Variants in LIN7C observed in about 807,000 individuals in gnomAD.
LIN7C encodes protein lin-7 homolog C.
LIN7C carries 17 observed loss-of-function variants against 24.7 expected under a neutral mutation model. That is an observed-to-expected ratio of 0.69 (90% confidence interval 0.47 to 1.03). The LOEUF is 1.03. Ranked by LOEUF, LIN7C falls within the 50% of genes least tolerant of loss-of-function variation. The pLI is 0.00. For missense variants in LIN7C, 204 were observed against 239.0 expected (o/e 0.85, Z 0.97); for synonymous variants, 90 against 83.4 (o/e 1.08, Z -0.43).
intron 1 of LIN7C, among the ~76,000 whole-genome samples, chr11:27,505,061 A>G (rs1226539563): frequency 6.6e-6 from 1 of 152,256 alleles, no homozygotes; most frequent in Non-Finnish European, 1.5e-5. Context: ...GGCCGGGTGC[A>G]GTGGCTCACG....
At position 27,497,625 on chromosome 11, in the gene LIN7C, CCT is replaced by C. The variant is rs1348365429; in HGVS notation, c.*1022_*1023del. The C allele has an allele frequency of 2.6e-5, 4 of 152,226 alleles. No homozygotes were observed. Among genetic ancestry groups the C allele is most frequent in the Admixed American group, 2.6e-4 (4 of 15,258 alleles). The allele number at this position is 152,226 out of a possible 1,614,324, so 9.4% of individuals were successfully genotyped here. ...TAATTTCTATGTATCTTAAATATATCCTCTTTTCTTCCTATTTAAAATCAATT... is the reference window on the plus strand; with the variant it reads ...TAATTTCTATGTATCTTAAATATATCCTTTTCTTCCTATTTAAAATCAATT... On this transcript the variant is annotated 3_prime_UTR_variant, in exon 5 of 5. Coordinates refer to ENST00000278193, the MANE Select transcript of LIN7C (RefSeq NM_018362.4).
chr11:27,499,215 A>G, intron 4 of LIN7C, 144 bp downstream of exon 4: 2 of 642,132 alleles, frequency 3.1e-6, no homozygotes, highest in Non-Finnish European at 2.7e-6. Context: ...GCTTAAAAAA[A>G]AGGATCACTG....
In LIN7C at chr11:27,506,725, G is replaced by A. The variant is rs773362404; in HGVS notation, c.28C>T (p.Leu10=). The A allele has an allele frequency of 1.2e-6, 2 of 1,614,026 alleles. No individual in the cohort carries two copies. Among genetic ancestry groups the A allele is most frequent in the Middle Eastern group, 1.6e-4 (1 of 6,062 alleles). The change falls in exon 1 of 5, where the codon CTG becomes TTG. Residue 10 remains leucine (L), a synonymous_variant. Coordinates refer to ENST00000278193, the MANE Select transcript of LIN7C (RefSeq NM_018362.4). ...CCTCGGCTGCACTCACCTCTCTCCAGCCGCACGGGTTCCCCTAGCGCCGCC... is the reference window on the plus strand; with the variant it reads ...CCTCGGCTGCACTCACCTCTCTCCAACCGCACGGGTTCCCCTAGCGCCGCC... MAALGEPVR[L]ERDICRAIEL...
chr11:27,499,040 T>C (rs116874284), intron 4 of LIN7C, among the ~76,000 whole-genome samples: 2,455 of 152,298 alleles, frequency 0.016, 29 homozygotes, highest in Non-Finnish European at 0.025. Context: ...ATAATTAGCA[T>C]ATTAATCTAT....
rs747517484 is a variant in LIN7C at position 27,506,705 on chromosome 11, G to C, written c.37+11C>G. The C allele has an allele frequency of 1.4e-5, 23 of 1,613,770 alleles. No homozygotes were observed. The highest frequency in any genetic ancestry group is 1.2e-4 in the Admixed American group (7 of 59,998). On this transcript the variant is annotated intron_variant, in intron 1 of 4. Transcript: ENST00000278193. ...TTCCGCCCACCTCCGCCGAGCCTCG[G>C]CTGCACTCACCTCTCTCCAGCCGCA... is the stretch of plus-strand genomic sequence containing the variant.
chr11:27,499,699 T>G (rs569829470), intron 3 of LIN7C, 131 bp from the exon 4 acceptor site: 3 of 748,396 alleles, frequency 4.0e-6, no homozygotes, highest in East Asian at 2.7e-5. Flanking sequence ...CTTGGCTCAC[T>G]GCAAGCTCCA....
At chr11:27,506,565 G>C in intron 1 of LIN7C, 151 bp downstream of exon 1, 1 of 805,174 alleles carries the variant, frequency 1.2e-6, no homozygotes, top group Non-Finnish European at 2.1e-6. Context: ...CCTTCCTAGA[G>C]CCAGGCACAG....
intron 1 of LIN7C, among the ~76,000 whole-genome samples, chr11:27,503,029 C>T (rs1175874213): frequency 2.0e-5 from 3 of 152,102 alleles, no homozygotes; most frequent in Admixed American, 6.5e-5. Flanking sequence ...GCAGGAGAAG[C>T]GCTTGATCCC....
In LIN7C at chr11:27,504,450, T is replaced by C. The variant is rs1865254161; in HGVS notation, c.37+2266A>G. Among the ~76,000 whole-genome samples, 3 of 152,330 alleles carry C rather than the reference T, an allele frequency of 2.0e-5. 1 individual carries two copies. Among genetic ancestry groups the C allele is most frequent in the South Asian group, 4.1e-4 (2 of 4,830 alleles). Reference sequence around the variant, plus strand: ...TCATCATATGTGATCAGGCACTGTATTGTAATTGTACTGTAGGATTTTCTA... The same window carrying C: ...TCATCATATGTGATCAGGCACTGTACTGTAATTGTACTGTAGGATTTTCTA... On this transcript the variant is annotated intron_variant, in intron 1 of 4. Transcript: ENST00000278193.
chr11:27,502,669 G>C (rs890350021), intron 1 of LIN7C, among the ~76,000 whole-genome samples: 4 of 152,098 alleles, frequency 2.6e-5, no homozygotes, highest in African/African-American at 9.7e-5. Context: ...TTATGTCTCA[G>C]TTTCTTTCAC....
At chr11:27,501,311 T>C (rs1865223651) in intron 3 of LIN7C, among the ~76,000 whole-genome samples, 184 bp downstream of exon 3, 1 of 152,162 alleles carries the variant, frequency 6.6e-6, no homozygotes, top group Admixed American at 6.5e-5. Context: ...AAGCTATTTA[T>C]CATGCAGCAT....
Position 27,494,871 on chromosome 11 carries a change from G to C in LIN7C, c.*3778C>G, listed in dbSNP as rs1312329901. On this transcript the variant is annotated 3_prime_UTR_variant, in exon 5 of 5. Coordinates refer to ENST00000278193, the MANE Select transcript of LIN7C (RefSeq NM_018362.4). ...ATTATAAAACCAGATTGTTGGCAGA[G>C]GACACAACAAAATGTAAGTTAGAAA... is the stretch of plus-strand genomic sequence containing the variant. The C allele has an allele frequency of 6.6e-6, 1 of 152,072 alleles. No individual in the cohort carries two copies. Among genetic ancestry groups the C allele is most frequent in the African/African-American group, 2.4e-5 (1 of 41,396 alleles). The allele number at this position is 152,072 out of a possible 1,614,324, so 9.4% of individuals were successfully genotyped here. A position where few individuals can be genotyped will look rare whatever the true frequency, so the allele number is the denominator to read the frequency against.
rs1486891183 is a variant in LIN7C, at chr11:27,506,704, G to C, written c.37+12C>G. On this transcript the variant is annotated intron_variant, in intron 1 of 4. Transcript: ENST00000278193. ...CTTCCGCCCACCTCCGCCGAGCCTC[G>C]GCTGCACTCACCTCTCTCCAGCCGC... The C allele has an allele frequency of 6.2e-7, 1 of 1,613,716 alleles. No individual in the cohort carries two copies. The highest frequency in any genetic ancestry group is 1.3e-5 in the African/African-American group (1 of 74,878).
intron 3 of LIN7C, 66 bp downstream of exon 3, chr11:27,501,429 A>G (rs1865224788): frequency 5.1e-6 from 5 of 974,030 alleles, no homozygotes; most frequent in African/African-American, 1.7e-5. Flanking sequence ...TATGAATTTA[A>G]TAACTCCATA....
chr11:27,502,214 A>T (rs1041919085), intron 1 of LIN7C, among the ~76,000 whole-genome samples: 1 of 152,240 alleles, frequency 6.6e-6, no homozygotes, highest in Non-Finnish European at 1.5e-5. Context: ...TGAACACAAA[A>T]TACCAAATGT....
In LIN7C at chr11:27,499,404, A is replaced by G. The variant is rs1865200091; in HGVS notation, c.393T>C (p.His131=). Residue 131 remains histidine (H), a synonymous_variant, in exon 4 of 5, where the codon CAT becomes CAC. Coordinates refer to ENST00000278193, the MANE Select transcript of LIN7C (RefSeq NM_018362.4). ...GTTGATCTCCACGTTTGAGGCCCCC[A>G]TGTCTATCAGCAATTCCACCTGGAA... is the stretch of plus-strand genomic sequence containing the variant. The part of the protein sequence containing the change: ...RIIPGGIADR[H]GGLKRGDQLL... 1.9e-6 allele frequency: 3 copies of G among 1,613,864 alleles called. No homozygotes were observed. Among genetic ancestry groups the G allele is most frequent in the African/African-American group, 2.7e-5 (2 of 74,880 alleles).
chr11:27,499,635 C>T, intron 3 of LIN7C, 67 bp from the exon 4 acceptor site: 2 of 1,411,526 alleles, frequency 1.4e-6, no homozygotes, highest in Admixed American at 1.8e-5. Flanking sequence ...TCTTTTGTTT[C>T]CCCCCGAGAT....
intron 3 of LIN7C, among the ~76,000 whole-genome samples, chr11:27,501,150 AT>A (rs1865221622): frequency 1.3e-5 from 2 of 152,164 alleles, no homozygotes; most frequent in Non-Finnish European, 2.9e-5. Context: ...AGTAATTCAT[AT>A]CTTAAAATTC....
In LIN7C at chr11:27,497,633, C is replaced by A. The variant is rs988679445; in HGVS notation, c.*1016G>T. On this transcript the variant is annotated 3_prime_UTR_variant, in exon 5 of 5. Coordinates refer to ENST00000278193, the MANE Select transcript of LIN7C (RefSeq NM_018362.4). ...ATGTATCTTAAATATATCCTCTTTT[C>A]TTCCTATTTAAAATCAATTATTTAA... The A allele has an allele frequency of 2.6e-5, 4 of 152,214 alleles. No individual in the cohort carries two copies. Among genetic ancestry groups the A allele is most frequent in the Admixed American group, 2.6e-4 (4 of 15,262 alleles). The allele number at this position is 152,214 out of a possible 1,614,324, so 9.4% of individuals were successfully genotyped here.
Sources: gnomAD v4.1 joint callset for allele counts (sites outside exome capture counted in the v4.1 genomes callset) on GRCh38, gnomAD v4.1.1 for gene constraint, MANE v1.5 for transcripts, NCBI Gene and HGNC (gene_info 2026-07-23, HGNC 2026-07-21) for gene names.